ANKRD46: variants seen among roughly 807,000 people sequenced by gnomAD.
ANKRD46 encodes the protein ankyrin repeat domain-containing protein 46.
Under a neutral mutation model 19.8 loss-of-function variants are expected in ANKRD46, and 13 were observed. The ratio of observed to expected loss-of-function variants is 0.66; its 90% CI spans 0.43 to 1.04. ANKRD46 has a LOEUF of 1.04. ANKRD46 is among the 50% of genes least tolerant of loss of function. The pLI is 0.00. For synonymous variants in ANKRD46, 91 were observed against 106.9 expected (o/e 0.85, Z 0.92); for missense variants, 185 against 274.8 (o/e 0.67, Z 2.31).
Position 100,543,773 on chromosome 8 carries a change from T to C in ANKRD46, c.-130-10462A>G, listed in dbSNP as rs958785074. ...AATTAAAGGCAAACTTTCAGGTTTA[T>C]GGTAGCTATTAAATTTACCACTAAT... On this transcript the variant is annotated intron_variant, in intron 1 of 4. Coordinates refer to ENST00000335659, the MANE Select transcript of ANKRD46 (RefSeq NM_001270377.2). The surrounding 1 kb of genome is among the most constrained non-coding windows in gnomAD (Gnocchi z 4.2). Among the ~76,000 whole-genome samples the C allele has an allele frequency of 2.6e-5, 4 of 152,204 alleles. No homozygotes were observed. The South Asian group carries it at 6.2e-4, about 24-fold the overall frequency.
At chr8:100,519,262 T>C (rs1811683497), downstream of ANKRD46, among the ~76,000 whole-genome samples, 1 of 152,196 alleles carries the variant, frequency 6.6e-6, no homozygotes, top group Non-Finnish European at 1.5e-5. Context: ...ATGAAACAGC[T>C]TGTTTGCATC....
In ANKRD46 at chr8:100,529,068, G is replaced by C. The variant is rs1811903748; in HGVS notation, c.311+455C>G. On this transcript the variant is annotated intron_variant, in intron 3 of 4. Transcript: ENST00000335659. This position sits in a 1 kb window ranked among gnomAD's most constrained non-coding sequence, Gnocchi z 5.8. Reference sequence around the variant, plus strand: ...GGAACTAGGTTCAAATTCCAGCTCTGTCCCTTATAAGCTGTGACCTTTTCA... The same window carrying C: ...GGAACTAGGTTCAAATTCCAGCTCTCTCCCTTATAAGCTGTGACCTTTTCA... 6.6e-6 allele frequency among the ~76,000 whole-genome samples: 1 copy of C among 152,214 alleles called. No individual in the cohort carries two copies. Among genetic ancestry groups the C allele is most frequent in the Non-Finnish European group, 1.5e-5 (1 of 68,036 alleles).
rs1287043706 is a variant in ANKRD46, at chr8:100,520,778, G to GATATATAA, written c.*1769_*1776dup. The GATATATAA allele has an allele frequency of 3.2e-5, 31 of 956,036 alleles. No homozygotes were observed. In the South Asian group the frequency reaches 1.4e-3, roughly 42 times the overall value. The allele number at this position is 956,036 out of a possible 1,614,324, so 59.2% of individuals were successfully genotyped here. ...AAAAAAAGAGAAATCGTGATTAAGG[G>GATATATAA]ATATATAAATACATTTATTGGTGGT... On this transcript the variant is annotated 3_prime_UTR_variant, in exon 5 of 5. Transcript: ENST00000335659.
At chr8:100,542,510 A>G (rs1812194137) in intron 1 of ANKRD46, among the ~76,000 whole-genome samples, 1 of 152,122 alleles carries the variant, frequency 6.6e-6, no homozygotes, top group African/African-American at 2.4e-5. Flanking sequence ...CTTGGTAGAA[A>G]GGGAATAAAT....
At chr8:100,555,972 G>C (rs896948491) in intron 1 of ANKRD46, among the ~76,000 whole-genome samples, 3 of 152,090 alleles carry the variant, frequency 2.0e-5, no homozygotes, top group Admixed American at 2.0e-4. Flanking sequence ...TTTTGTATTT[G>C]GGTTTGGACA....
chr8:100,523,149 G>A (rs1811768562), intron 4 of ANKRD46, among the ~76,000 whole-genome samples: 1 of 119,242 alleles, frequency 8.4e-6, no homozygotes, highest in South Asian at 2.7e-4. Context: ...GTAACATAGC[G>A]AGACACCATC....
Position 100,511,340 on chromosome 8 carries a change from C to A in ANKRD46, c.637-701G>T, listed in dbSNP as rs935527859. On this transcript the variant is annotated intron_variant, in intron 5 of 5. Transcript: ENST00000520552. This position sits in a 1 kb window ranked among gnomAD's most constrained non-coding sequence, Gnocchi z 4.1. ...AGACCCCTGTGCTCACCACCACACTCTTCTGCCTCCCAGTCACAAAAGAGT... is the reference window on the plus strand; with the variant it reads ...AGACCCCTGTGCTCACCACCACACTATTCTGCCTCCCAGTCACAAAAGAGT... Among the ~76,000 whole-genome samples, 1 of 152,182 alleles carries A rather than the reference C, an allele frequency of 6.6e-6. No homozygotes were observed. Among genetic ancestry groups the A allele is most frequent in the African/African-American group, 2.4e-5 (1 of 41,436 alleles).
rs1350439002 is a variant in ANKRD46, at chr8:100,534,013, G to C, written c.-130-702C>G. On this transcript the variant is annotated intron_variant, in intron 1 of 4. Transcript: ENST00000335659. The surrounding 1 kb of genome is among the most constrained non-coding windows in gnomAD (Gnocchi z 4.2). ...TTCTCTGGAAGGACCGTGGAAGCAG[G>C]GTCATGGGCAGGCAGTAAGGACCAC... Among the ~76,000 whole-genome samples, 2 of 152,162 alleles carry C rather than the reference G, an allele frequency of 1.3e-5. No homozygotes were observed. The highest frequency in any genetic ancestry group is 2.9e-5 in the Non-Finnish European group (2 of 68,032).
rs1812077687 is a variant in ANKRD46 at position 100,537,053 on chromosome 8, G to A, written c.-130-3742C>T. On this transcript the variant is annotated intron_variant, in intron 1 of 4. Coordinates refer to ENST00000335659, the MANE Select transcript of ANKRD46 (RefSeq NM_001270377.2). The surrounding 1 kb of genome is among the most constrained non-coding windows in gnomAD (Gnocchi z 4.2). Reference sequence around the variant, plus strand: ...ATGGAAGCTTGTGATTCACTGACTTGATGAAAAGTCATGCCTAATTTTCTT... The same window carrying A: ...ATGGAAGCTTGTGATTCACTGACTTAATGAAAAGTCATGCCTAATTTTCTT... Among the ~76,000 whole-genome samples the A allele has an allele frequency of 1.3e-5, 2 of 152,202 alleles. No individual in the cohort carries two copies. Among genetic ancestry groups the A allele is most frequent in the Admixed American group, 1.3e-4 (2 of 15,280 alleles).
Position 100,527,543 on chromosome 8 carries a change from T to C in ANKRD46, c.470+302A>G, listed in dbSNP as rs568027098. ...ACAGCAGGTGGCTAACAGAACATTATGCGCACATGACATGTAGTACTTTCT... is the reference window on the plus strand; with the variant it reads ...ACAGCAGGTGGCTAACAGAACATTACGCGCACATGACATGTAGTACTTTCT... On this transcript the variant is annotated intron_variant, in intron 4 of 4. Coordinates refer to ENST00000335659, the MANE Select transcript of ANKRD46 (RefSeq NM_001270377.2). The surrounding 1 kb of genome is among the most constrained non-coding windows in gnomAD (Gnocchi z 4.0). Among the ~76,000 whole-genome samples, 26 of 152,352 alleles carry C rather than the reference T, an allele frequency of 1.7e-4. No homozygotes were observed. The highest frequency in any genetic ancestry group is 4.1e-4 in the South Asian group (2 of 4,830).
At chr8:100,554,963 C>T (rs1009466676) in intron 1 of ANKRD46, among the ~76,000 whole-genome samples, 4 of 149,158 alleles carry the variant, frequency 2.7e-5, no homozygotes, top group Non-Finnish European at 5.9e-5. Context: ...TGCAGTGAGC[C>T]AAGATTGTGC....
chr8:100,545,639 A>C lies in ANKRD46; in HGVS notation c.-130-12328T>G, dbSNP rs114177405. 0.024 allele frequency among the ~76,000 whole-genome samples: 3,721 copies of C among 152,288 alleles called. 164 individuals are homozygous for C. The highest frequency in any genetic ancestry group is 0.082 in the African/African-American group (3,427 of 41,548). ...TACCAGGAGTAGGGCACTGCTATAA[A>C]AATAACCTGAAAAAATGGAAGTGAC... On this transcript the variant is annotated intron_variant, in intron 1 of 4. Coordinates refer to ENST00000335659, the MANE Select transcript of ANKRD46 (RefSeq NM_001270377.2). The surrounding 1 kb of genome is among the most constrained non-coding windows in gnomAD (Gnocchi z 4.7).
chr8:100,548,382 T>C (rs1812315385), intron 1 of ANKRD46, among the ~76,000 whole-genome samples: 1 of 152,186 alleles, frequency 6.6e-6, no homozygotes, highest in Non-Finnish European at 1.5e-5. Flanking sequence ...GGAATGTACT[T>C]CCCTGGATGG....
rs143395176 is a variant in ANKRD46, at chr8:100,522,758, G to A, written c.484C>T (p.His162Tyr). Reference protein sequence around the residue: ...TAESESAMESHSLLNPNLQQG... With the variant: ...TAESESAMESYSLLNPNLQQG... ...TGCAGGTTGGGATTGAGGAGTGAAT[G>A]GCTTTCCATGGCACTGTGGAAGAAG... is the stretch of plus-strand genomic sequence containing the variant. Residue 162 changes from histidine (H) to tyrosine (Y), a missense_variant, in exon 5 of 5, where the codon CAT becomes TAT. By Grantham distance (83) the His-to-Tyr change is moderately conservative. Coordinates refer to ENST00000335659, the MANE Select transcript of ANKRD46 (RefSeq NM_001270377.2). The A allele has an allele frequency of 6.8e-4, 1,096 of 1,613,728 alleles. 11 individuals are homozygous for A. In the African/African-American group the frequency reaches 0.012, roughly 17 times the overall value.
chr8:100,529,702 C>T lies in ANKRD46; in HGVS notation c.132G>A (p.Arg44=). ...SGFDPNIRDS[R]GRTGLHLAAA... ...CTGCAAGGTGAAGGCCTGTTCTGCCCCTGCTGTCACGAATATTTGGGTCAA... is the reference window on the plus strand; with the variant it reads ...CTGCAAGGTGAAGGCCTGTTCTGCCTCTGCTGTCACGAATATTTGGGTCAA... Residue 44 remains arginine (R), a synonymous_variant, in exon 3 of 5, where the codon AGG becomes AGA. Transcript: ENST00000335659. The surrounding 1 kb of genome is among the most constrained non-coding windows in gnomAD (Gnocchi z 5.8). The T allele has an allele frequency of 6.2e-7, 1 of 1,614,198 alleles. No individual in the cohort carries two copies. The highest frequency in any genetic ancestry group is 2.2e-5 in the East Asian group (1 of 44,886).
In ANKRD46 at chr8:100,543,779, C is replaced by G. The variant is rs1027171643; in HGVS notation, c.-130-10468G>C. Among the ~76,000 whole-genome samples, 1 of 152,100 alleles carries G rather than the reference C, an allele frequency of 6.6e-6. No individual in the cohort carries two copies. The highest frequency in any genetic ancestry group is 2.4e-5 in the African/African-American group (1 of 41,404). The stretch of plus-strand genomic sequence containing the variant: ...AGGCAAACTTTCAGGTTTATGGTAG[C>G]TATTAAATTTACCACTAATATATCT... On this transcript the variant is annotated intron_variant, in intron 1 of 4. Transcript: ENST00000335659. This position sits in a 1 kb window ranked among gnomAD's most constrained non-coding sequence, Gnocchi z 4.2.
chr8:100,519,439 G>A (rs1307086555), downstream of ANKRD46, among the ~76,000 whole-genome samples: 1 of 152,204 alleles, frequency 6.6e-6, no homozygotes, highest in African/African-American at 2.4e-5. Context: ...GATTCTGGAT[G>A]ATGTCACCCT....
In ANKRD46 at chr8:100,529,689, G is replaced by C; in HGVS notation, c.145C>G (p.Leu49Val). ...TTCCCTCGAGCTGCTGCAAGGTGAA[G>C]GCCTGTTCTGCCCCTGCTGTCACGA... ...NIRDSRGRTG[L>V]HLAAARGNVD... is the part of the protein sequence containing the mutation. Residue 49 changes from leucine to valine, a missense_variant, in exon 3 of 5, where the codon CTT becomes GTT. Leu to Val is a conservative substitution (Grantham distance 32). Coordinates refer to ENST00000335659, the MANE Select transcript of ANKRD46 (RefSeq NM_001270377.2). This position sits in a 1 kb window ranked among gnomAD's most constrained non-coding sequence, Gnocchi z 5.8. 6.2e-7 allele frequency: 1 copy of C among 1,614,254 alleles called. No homozygotes were observed. The highest frequency in any genetic ancestry group is 8.5e-7 in the Non-Finnish European group (1 of 1,180,054).
At chr8:100,515,875 T>C (rs1811623091), downstream of ANKRD46, among the ~76,000 whole-genome samples, 1 of 140,360 alleles carries the variant, frequency 7.1e-6, no homozygotes. Context: ...CTTGTTTTTG[T>C]TTTTTTTTTT....
Sources: allele counts gnomAD v4.1 joint callset (sites outside exome capture counted in the v4.1 genomes callset), GRCh38; gene constraint gnomAD v4.1.1; non-coding constraint Gnocchi (gnomAD v3.1); transcripts MANE v1.5; gene names NCBI Gene and HGNC (gene_info 2026-07-23, HGNC 2026-07-21).